Variants in ATP2C2 observed in about 807,000 individuals in gnomAD.
ATP2C2 encodes the protein calcium-transporting ATPase type 2C member 2.
A neutral mutation model predicts 110.8 loss-of-function variants in ATP2C2; 171 were observed. That is an observed-to-expected ratio of 1.54 (90% CI 1.36 to 1.75). The LOEUF (loss-of-function observed/expected upper bound fraction) is 1.75, where lower values mean the gene tolerates loss of function less well. Among genes scored for constraint, ATP2C2 ranks in the 40% most tolerant of loss-of-function variants. ATP2C2 has a pLI of 0.00. For synonymous variants in ATP2C2, 804 were observed against 508.4 expected (o/e 1.58, Z -7.82); for missense variants, 1,963 against 1,235.0 (o/e 1.59, Z -8.84).
In ATP2C2 at chr16:84,447,085, T is replaced by A. The variant is rs570963823; in HGVS notation, c.1503+655T>A. ...TTCAGATTTGTTGTGGCTTTTCAGA[T>A]TTTCCTTAAAAGCTATTTTTTAAAG... is the stretch of plus-strand genomic sequence containing the variant. On this transcript the variant is annotated intron_variant, in intron 16 of 26. Transcript: ENST00000262429. Among the ~76,000 whole-genome samples the A allele has an allele frequency of 3.3e-5, 5 of 152,302 alleles. No individual in the cohort carries two copies. The East Asian group carries it at 9.7e-4, about 29-fold the overall frequency.
At position 84,444,674 on chromosome 16, in the gene ATP2C2, A is replaced by C. The variant is rs896905013; in HGVS notation, c.1402-1655A>C. ...CTGGCAGGAATGACACCCATGTGTC[A>C]CCTTGCTTCCGCCACCAGCCGTCCC... On this transcript the variant is annotated intron_variant, in intron 15 of 26. Transcript: ENST00000262429. Among the ~76,000 whole-genome samples, 4 of 152,164 alleles carry C rather than the reference A, an allele frequency of 2.6e-5. No individual in the cohort carries two copies. In the South Asian group the frequency reaches 8.3e-4, roughly 32 times the overall value.
intron 21 of ATP2C2, among the ~76,000 whole-genome samples, chr16:84,455,820 G>T (rs1029058070): frequency 6.8e-6 from 1 of 146,356 alleles, no homozygotes; most frequent in Non-Finnish European, 1.5e-5. Flanking sequence ...CTAATTTATT[G>T]AGAGTTTTTA....
intron 14 of ATP2C2, among the ~76,000 whole-genome samples, chr16:84,441,758 TA>T (rs1909278117): frequency 6.6e-6 from 1 of 152,046 alleles, no homozygotes. Context: ...CCATCTCTAC[TA>T]AAAAATATAA....
At chr16:84,422,263 C>A in intron 7 of ATP2C2, 127 bp from the exon 8 acceptor site, 1 of 1,151,602 alleles carries the variant, frequency 8.7e-7, no homozygotes, top group Non-Finnish European at 1.2e-6. Context: ...CGTTGTGACA[C>A]TCATTCTGTA....
rs148613460 is a variant in ATP2C2, at chr16:84,417,518, C to T, written c.624+1927C>T. The stretch of plus-strand genomic sequence containing the variant: ...TTTTTATCATTATCGTTCTATACAA[C>T]GGTTCTTTGAAACAACTTTTTAGAC... On this transcript the variant is annotated intron_variant, in intron 7 of 26. Coordinates refer to ENST00000262429, the MANE Select transcript of ATP2C2 (RefSeq NM_014861.4). 9.2e-5 allele frequency among the ~76,000 whole-genome samples: 14 copies of T among 152,324 alleles called. No homozygotes were observed. The East Asian group carries it at 2.7e-3, about 29-fold the overall frequency.
At chr16:84,417,122 C>G (rs1906909915) in intron 7 of ATP2C2, among the ~76,000 whole-genome samples, 1 of 152,188 alleles carries the variant, frequency 6.6e-6, no homozygotes, top group African/African-American at 2.4e-5. Context: ...CTCTCTGTGC[C>G]TCAGTTTTCT....
Position 84,373,133 on chromosome 16 carries a change from A to G in ATP2C2, c.99+4419A>G, listed in dbSNP as rs183415420. On this transcript the variant is annotated intron_variant, in intron 1 of 26. Transcript: ENST00000262429. ...AGACTCCCTCTCAAAAAAAAAAAAA[A>G]AAGTCAAATTTATAATAAAATTATA... Among the ~76,000 whole-genome samples, 433 of 148,466 alleles carry G rather than the reference A, an allele frequency of 2.9e-3. 4 individuals are homozygous for G. Among genetic ancestry groups the G allele is most frequent in the African/African-American group, 0.01 (419 of 40,450 alleles).
intron 7 of ATP2C2, among the ~76,000 whole-genome samples, chr16:84,417,296 C>T (rs552599895): frequency 1.1e-3 from 166 of 152,208 alleles, no homozygotes; most frequent in African/African-American, 3.9e-3. Flanking sequence ...GAACCCCAGG[C>T]CCCATAGCTC....
intron 1 of ATP2C2, among the ~76,000 whole-genome samples, chr16:84,372,440 GT>G (rs1169459395): frequency 6.6e-6 from 1 of 152,120 alleles, no homozygotes; most frequent in Non-Finnish European, 1.5e-5. Context: ...ACCCCACAGT[GT>G]TTTTTCTTTC....
At position 84,463,760 on chromosome 16, in the gene ATP2C2, A is replaced by G. The variant is rs1383632078; in HGVS notation, c.*28A>G. On this transcript the variant is annotated 3_prime_UTR_variant, in exon 27 of 27. Coordinates refer to ENST00000262429, the MANE Select transcript of ATP2C2 (RefSeq NM_014861.4). ...GACCGCACTCCGCGGCACCTTCCCT[A>G]ATCATCTCGATCTGGTTGTGACTGT... is the stretch of plus-strand genomic sequence containing the variant. The G allele has an allele frequency of 2.6e-6, 4 of 1,567,404 alleles. No individual in the cohort carries two copies. Among genetic ancestry groups the G allele is most frequent in the Non-Finnish European group, 3.5e-6 (4 of 1,137,796 alleles).
At chr16:84,434,462 A>G (rs60535774) in intron 11 of ATP2C2, among the ~76,000 whole-genome samples, 33,207 of 151,748 alleles carry the variant, frequency 0.22, 4,176 homozygotes, top group East Asian at 0.52. Context: ...ATGTTAAGTG[A>G]CATTCAAGAT....
rs571672334 is a variant in ATP2C2 at position 84,462,144 on chromosome 16, C to T, written c.2722+15C>T. The T allele has an allele frequency of 9.3e-5, 150 of 1,607,972 alleles. 1 individual carries two copies. The South Asian group carries it at 1.0e-3, about 11-fold the overall frequency. Reference sequence around the variant, plus strand: ...GGGAGCGCTTGGTGAGTGGTGGGGACGGGAACGACAGGTGACCTCGACCAG... The same window carrying T: ...GGGAGCGCTTGGTGAGTGGTGGGGATGGGAACGACAGGTGACCTCGACCAG... On this transcript the variant is annotated intron_variant, in intron 26 of 26. Coordinates refer to ENST00000262429, the MANE Select transcript of ATP2C2 (RefSeq NM_014861.4).
intron 7 of ATP2C2, among the ~76,000 whole-genome samples, chr16:84,416,346 A>T (rs892948410): frequency 1.3e-5 from 2 of 152,216 alleles, no homozygotes; most frequent in Non-Finnish European, 2.9e-5. Flanking sequence ...TATTTCAAGA[A>T]TCTTTCCAAG....
chr16:84,437,146 T>C (rs1908816362), intron 11 of ATP2C2, among the ~76,000 whole-genome samples: 2 of 152,200 alleles, frequency 1.3e-5, no homozygotes, highest in Non-Finnish European at 2.9e-5. Flanking sequence ...TGGTTTTTAG[T>C]GTATTCAGAG....
At chr16:84,382,057 C>T (rs1910607402) in intron 1 of ATP2C2, among the ~76,000 whole-genome samples, 1 of 152,040 alleles carries the variant, frequency 6.6e-6, no homozygotes, top group Non-Finnish European at 1.5e-5. Flanking sequence ...ACATAGGTAT[C>T]CACGTGCCAT....
intron 14 of ATP2C2, among the ~76,000 whole-genome samples, chr16:84,441,249 G>A (rs569771099): frequency 5.0e-4 from 76 of 152,214 alleles, no homozygotes; most frequent in African/African-American, 1.4e-3. Flanking sequence ...CCTGAGCAAC[G>A]TAGTGAGACC....
intron 11 of ATP2C2, among the ~76,000 whole-genome samples, chr16:84,435,917 C>T (rs777474955): frequency 1.3e-5 from 2 of 152,132 alleles, no homozygotes; most frequent in Non-Finnish European, 2.9e-5. Flanking sequence ...TCACTTGAGG[C>T]CAGGAGTTCA....
intron 15 of ATP2C2, among the ~76,000 whole-genome samples, chr16:84,445,909 G>C (rs1434908297): frequency 1.3e-5 from 2 of 152,198 alleles, no homozygotes; most frequent in Non-Finnish European, 2.9e-5. Flanking sequence ...AGCCACCAAA[G>C]AGCAACAAAG....
At position 84,378,822 on chromosome 16, in the gene ATP2C2, C is replaced by G. The variant is rs537775696; in HGVS notation, c.99+10108C>G. On this transcript the variant is annotated intron_variant, in intron 1 of 26. Coordinates refer to ENST00000262429, the MANE Select transcript of ATP2C2 (RefSeq NM_014861.4). ...CAAAGTGCAGGCTGCCGTGGACACA[C>G]GAAGCCATGAACGTGGAGCCGGGCC... 3.2e-4 allele frequency among the ~76,000 whole-genome samples: 49 copies of G among 152,314 alleles called. 1 individual carries two copies. The South Asian group carries it at 9.1e-3, about 28-fold the overall frequency.
Sources: gnomAD v4.1 joint callset for allele counts (sites outside exome capture counted in the v4.1 genomes callset) on GRCh38, gnomAD v4.1.1 for gene constraint, MANE v1.5 for transcripts, NCBI Gene and HGNC (gene_info 2026-07-23, HGNC 2026-07-21) for gene names.